The following TMEM132B variants were observed in gnomAD, a reference collection of about 807,000 sequenced individuals.
TMEM132B encodes the protein transmembrane protein 132B.
In TMEM132B, 18 loss-of-function variants were observed where a neutral mutation model predicts 90.8. The observed-to-expected ratio is 0.20, with a 90% confidence interval of 0.14 to 0.29. The LOEUF (loss-of-function observed/expected upper bound fraction) is 0.29, where lower values mean the gene tolerates loss of function less well. Ranked by LOEUF, TMEM132B falls within the 10% of genes least tolerant of loss-of-function variation. TMEM132B has a pLI of 1.00. For synonymous variants in TMEM132B, 504 were observed against 523.3 expected (o/e 0.96, Z 0.50); for missense variants, 1,096 against 1,326.8 (o/e 0.83, Z 2.70).
At chr12:125,308,102 AG>A (rs940883477) in intron 1 of TMEM132B, among the ~76,000 whole-genome samples, 3 of 146,408 alleles carry the variant, frequency 2.0e-5, no homozygotes, top group African/African-American at 7.5e-5. Flanking sequence ...TTACAATACA[AG>A]TATATTACAA....
At chr12:125,434,921 C>A (rs891868499) in intron 3 of TMEM132B, among the ~76,000 whole-genome samples, 13 of 152,192 alleles carry the variant, frequency 8.5e-5, no homozygotes, top group African/African-American at 3.1e-4. Flanking sequence ...CCGTGTAAAA[C>A]TCAGAGTGCA....
At chr12:125,554,337 A>G (rs911809326) in intron 4 of TMEM132B, among the ~76,000 whole-genome samples, 4 of 148,532 alleles carry the variant, frequency 2.7e-5, no homozygotes, top group Non-Finnish European at 6.0e-5. Context: ...AGGCAGGAGA[A>G]TGGCGTGAAT....
intron 3 of TMEM132B, among the ~76,000 whole-genome samples, chr12:125,499,450 C>T (rs185583409): frequency 2.6e-5 from 4 of 152,326 alleles, no homozygotes; most frequent in Non-Finnish European, 5.9e-5. Context: ...AATGAGCCAA[C>T]AGCGCGTGAT....
intron 3 of TMEM132B, among the ~76,000 whole-genome samples, chr12:125,508,196 T>C (rs142991074): frequency 2.0e-5 from 3 of 152,302 alleles, no homozygotes; most frequent in South Asian, 2.1e-4. Flanking sequence ...TTGAGAGTAG[T>C]AAATTCTCCT....
chr12:125,528,217 C>CTGAGCTT (rs2136687678), intron 4 of TMEM132B, among the ~76,000 whole-genome samples: 1 of 152,010 alleles, frequency 6.6e-6, no homozygotes, highest in African/African-American at 2.4e-5. Context: ...TGCCCAATTA[C>CTGAGCTT]TGAGCTTTGA....
intron 3 of TMEM132B, among the ~76,000 whole-genome samples, chr12:125,419,900 C>T (rs1880122802): frequency 6.6e-6 from 1 of 152,192 alleles, no homozygotes; most frequent in Non-Finnish European, 1.5e-5. Context: ...ACTACAGGCC[C>T]CATGGAAGTC....
At chr12:125,263,008 T>C (rs551288731) in intron 1 of TMEM132B, among the ~76,000 whole-genome samples, 2 of 152,212 alleles carry the variant, frequency 1.3e-5, no homozygotes, top group Non-Finnish European at 2.9e-5. Context: ...TCATCCTTAA[T>C]GAATGAATTG....
At chr12:125,618,458 G>A (rs377749014) in intron 5 of TMEM132B, among the ~76,000 whole-genome samples, 1 of 152,174 alleles carries the variant, frequency 6.6e-6, no homozygotes, top group African/African-American at 2.4e-5. Context: ...GCGTATGGGG[G>A]TGGTAAGAGC....
At chr12:125,470,723 C>T (rs1881692508) in intron 3 of TMEM132B, among the ~76,000 whole-genome samples, 1 of 152,224 alleles carries the variant, frequency 6.6e-6, no homozygotes, top group Non-Finnish European at 1.5e-5. Flanking sequence ...CCAATCCAGA[C>T]ACCAGGGGTC....
rs150474571 is a variant in TMEM132B, at chr12:125,611,525, A to G, written c.1437+27531A>G. ...TTAATTTGAGAACTTATATTTTTAT[A>G]TAAGCATTAACTACTTATATTCTTA... On this transcript the variant is annotated intron_variant, in intron 5 of 8. Coordinates refer to ENST00000682704, the MANE Select transcript of TMEM132B (RefSeq NM_001366854.1). Among the ~76,000 whole-genome samples, 4 of 152,138 alleles carry G rather than the reference A, an allele frequency of 2.6e-5. No homozygotes were observed. The East Asian group carries it at 5.8e-4, about 22-fold the overall frequency.
At chr12:125,282,303 C>T (rs1298507765) in intron 1 of TMEM132B, among the ~76,000 whole-genome samples, 1 of 152,102 alleles carries the variant, frequency 6.6e-6, no homozygotes, top group African/African-American at 2.4e-5. Context: ...CCCTGGTGCC[C>T]CCGCCTTCCC....
intron 1 of TMEM132B, among the ~76,000 whole-genome samples, chr12:125,189,709 G>A (rs1957784849): frequency 6.6e-6 from 1 of 152,020 alleles, no homozygotes; most frequent in African/African-American, 2.4e-5. Flanking sequence ...GAGGCGTGGG[G>A]CTTCTGCATG....
At chr12:125,218,429 T>C (rs1273710551) in intron 1 of TMEM132B, among the ~76,000 whole-genome samples, 2 of 152,196 alleles carry the variant, frequency 1.3e-5, no homozygotes, top group Non-Finnish European at 2.9e-5. Context: ...AGAGCTATTT[T>C]TCTTTGCTGT....
rs2136440730 is a variant in TMEM132B, at chr12:125,447,383, T to TA, written c.1106+31707dup. ...CATTTTATTGCCTTAGTAGCTACCCTAGAGAATTCGTCACTTTTATTTATG... is the reference window on the plus strand; with the variant it reads ...CATTTTATTGCCTTAGTAGCTACCCTAAGAGAATTCGTCACTTTTATTTATG... On this transcript the variant is annotated intron_variant, in intron 3 of 8. Transcript: ENST00000682704. Among the ~76,000 whole-genome samples, 3 of 152,312 alleles carry TA rather than the reference T, an allele frequency of 2.0e-5. No individual in the cohort carries two copies. The East Asian group carries it at 5.8e-4, about 29-fold the overall frequency.
chr12:125,322,368 T>C (rs1876452542), intron 1 of TMEM132B, among the ~76,000 whole-genome samples: 2 of 152,240 alleles, frequency 1.3e-5, no homozygotes, highest in South Asian at 4.1e-4. Flanking sequence ...TTAAACCTCT[T>C]TTTCTTTATT....
chr12:125,370,445 A>T (rs1445097713), intron 2 of TMEM132B, among the ~76,000 whole-genome samples: 1 of 152,212 alleles, frequency 6.6e-6, no homozygotes, highest in African/African-American at 2.4e-5. Context: ...TTGTCAACCA[A>T]CATCTTTTGA....
chr12:125,592,399 A>C (rs1282458058), intron 5 of TMEM132B, among the ~76,000 whole-genome samples: 5 of 152,230 alleles, frequency 3.3e-5, no homozygotes, highest in African/African-American at 2.4e-5. Context: ...CTGGCCTTCC[A>C]GTATCACTGG....
chr12:125,530,423 C>A (rs898577308), intron 4 of TMEM132B, among the ~76,000 whole-genome samples: 6 of 152,080 alleles, frequency 3.9e-5, no homozygotes, highest in African/African-American at 1.4e-4. Context: ...GCCAAATGGT[C>A]GTCTGCTGCA....
At chr12:125,240,429 C>CT (rs1874038711) in intron 1 of TMEM132B, among the ~76,000 whole-genome samples, 1 of 152,142 alleles carries the variant, frequency 6.6e-6, no homozygotes, top group Non-Finnish European at 1.5e-5. Context: ...CTCAGTAGTG[C>CT]ATTTTATGGG....
Sources: allele counts gnomAD v4.1 joint callset (sites outside exome capture counted in the v4.1 genomes callset), GRCh38; gene constraint gnomAD v4.1.1; transcripts MANE v1.5; gene names NCBI Gene and HGNC (gene_info 2026-07-23, HGNC 2026-07-21).